The following COL25A1 variants were observed in gnomAD, a reference collection of about 807,000 sequenced individuals.
COL25A1 encodes the protein collagen type XXV alpha 1 chain.
In COL25A1, 103 loss-of-function variants were observed where a neutral mutation model predicts 128.4. The observed-to-expected ratio is 0.80, with a 90% CI of 0.68 to 0.94. COL25A1 has a LOEUF of 0.94. Among genes scored for constraint, COL25A1 ranks in the 40% least tolerant of loss-of-function variants. COL25A1 has a pLI of 0.00. For synonymous variants in COL25A1, 279 were observed against 277.2 expected (o/e 1.01, Z -0.06); for missense variants, 745 against 840.0 (o/e 0.89, Z 1.40).
chr4:109,260,253 T>C (rs1270104864), intron 3 of COL25A1, among the ~76,000 whole-genome samples: 2 of 152,176 alleles, frequency 1.3e-5, no homozygotes, highest in Non-Finnish European at 2.9e-5. Context: ...AGTATTCTCA[T>C]AATAAGCTGA....
At chr4:108,867,397 C>G (rs576055681) in intron 20 of COL25A1, among the ~76,000 whole-genome samples, 1 of 152,236 alleles carries the variant, frequency 6.6e-6, no homozygotes, top group Non-Finnish European at 1.5e-5. Context: ...TTTTCTTGCT[C>G]TCACTCTCTC....
chr4:108,872,695 C>T lies in COL25A1; in HGVS notation c.1021-3545G>A, dbSNP rs866966009. ...GCATTAGATTTGATATATATATACA[C>T]ACACACACACACATATACATATATA... On this transcript the variant is annotated intron_variant, in intron 19 of 37. Transcript: ENST00000399132. Among the ~76,000 whole-genome samples, 1,262 of 151,048 alleles carry T rather than the reference C, an allele frequency of 8.4e-3. 19 individuals carry two copies. Among genetic ancestry groups the T allele is most frequent in the African/African-American group, 0.028 (1,168 of 41,216 alleles).
Position 108,823,501 on chromosome 4 carries a change from T to C in COL25A1, c.1845+673A>G, listed in dbSNP as rs552354995. Among the ~76,000 whole-genome samples the C allele has an allele frequency of 8.5e-5, 13 of 152,258 alleles. No homozygotes were observed. In the South Asian group the frequency reaches 2.7e-3, roughly 32 times the overall value. ...AGGAAAAATTGACTTTTAAAATCCA[T>C]AATCCAAACTTTTCTTTCAAGTCAT... is the stretch of plus-strand genomic sequence containing the variant. On this transcript the variant is annotated intron_variant, in intron 35 of 37. Transcript: ENST00000399132.
chr4:108,899,165 G>A lies in COL25A1; in HGVS notation c.850C>T (p.Gln284Ter). ...IPGPKGEPGE[Q>*]GEKGDAGENG... The stretch of plus-strand genomic sequence containing the variant: ...AGAATCATTCTTACCTTTTCACCTT[G>A]TTCTCCAGGTTCTCCCTGAGCAAAA... The change falls in exon 15 of 38, where the codon CAA becomes TAA. Residue 284 changes from glutamine to a stop codon, truncating the protein, a stop_gained. Transcript: ENST00000399132. LOFTEE classifies it high-confidence loss of function. 1 of 1,609,192 alleles carries A rather than the reference G, an allele frequency of 6.2e-7. No homozygotes were observed. Among genetic ancestry groups the A allele is most frequent in the Non-Finnish European group, 8.5e-7 (1 of 1,177,754 alleles).
intron 11 of COL25A1, among the ~76,000 whole-genome samples, chr4:108,935,655 G>A (rs996762570): frequency 4.6e-5 from 7 of 152,012 alleles, no homozygotes; most frequent in African/African-American, 1.7e-4. Flanking sequence ...TGTTTCACCT[G>A]AGAAAGTTTT....
intron 8 of COL25A1, among the ~76,000 whole-genome samples, chr4:108,949,424 G>A (rs1749136877): frequency 1.3e-5 from 2 of 152,092 alleles, no homozygotes; most frequent in Admixed American, 6.6e-5. Flanking sequence ...TTTGAGACAC[G>A]AAGAGGTGAG....
At chr4:108,883,235 G>A (rs1192081371) in intron 19 of COL25A1, among the ~76,000 whole-genome samples, 2 of 151,972 alleles carry the variant, frequency 1.3e-5, no homozygotes, top group East Asian at 3.9e-4. Context: ...TACCATGTTG[G>A]CCAGGCTGGT....
intron 3 of COL25A1, among the ~76,000 whole-genome samples, chr4:109,274,018 G>A (rs937471851): frequency 1.3e-5 from 2 of 152,166 alleles, no homozygotes. Context: ...CATGTAATGG[G>A]TATAGGTGGC....
In COL25A1 at chr4:109,162,748, T is replaced by C. The variant is rs574470567; in HGVS notation, c.368-112569A>G. ...TGATTTACCTGCTATGCTACAGATGTGGCCTGAGAGGCACTGTCTGACAGA... is the reference window on the plus strand; with the variant it reads ...TGATTTACCTGCTATGCTACAGATGCGGCCTGAGAGGCACTGTCTGACAGA... On this transcript the variant is annotated intron_variant, in intron 3 of 37. Coordinates refer to ENST00000399132, the MANE Select transcript of COL25A1 (RefSeq NM_198721.4). Among the ~76,000 whole-genome samples the C allele has an allele frequency of 1.1e-4, 16 of 152,360 alleles. No individual in the cohort carries two copies. The South Asian group carries it at 3.3e-3, about 32-fold the overall frequency.
intron 3 of COL25A1, among the ~76,000 whole-genome samples, chr4:109,299,659 C>T (rs1561000701): frequency 6.6e-6 from 1 of 152,138 alleles, no homozygotes; most frequent in African/African-American, 2.4e-5. Flanking sequence ...TTTTAAGAGA[C>T]TCACTTTCCA....
At chr4:108,989,096 A>G (rs1368014761) in intron 6 of COL25A1, among the ~76,000 whole-genome samples, 1 of 152,184 alleles carries the variant, frequency 6.6e-6, no homozygotes, top group Non-Finnish European at 1.5e-5. Flanking sequence ...AAGACTTGGT[A>G]GTTTTCTTCT....
intron 3 of COL25A1, among the ~76,000 whole-genome samples, chr4:109,071,167 G>A (rs1762938944): frequency 6.6e-6 from 1 of 152,060 alleles, no homozygotes; most frequent in Admixed American, 6.5e-5. Flanking sequence ...TCTGATCTTT[G>A]ACAAACCTGA....
intron 3 of COL25A1, among the ~76,000 whole-genome samples, chr4:109,194,726 G>A (rs1020760028): frequency 6.6e-6 from 1 of 152,018 alleles, no homozygotes; most frequent in African/African-American, 2.4e-5. Context: ...TTGTATTAAT[G>A]GCCCCCGTTC....
intron 3 of COL25A1, among the ~76,000 whole-genome samples, chr4:109,071,458 A>C (rs920567406): frequency 6.6e-6 from 1 of 152,178 alleles, no homozygotes; most frequent in African/African-American, 2.4e-5. Context: ...GGATCTAACT[A>C]AACTCAAGAG....
intron 3 of COL25A1, among the ~76,000 whole-genome samples, chr4:109,176,871 G>A (rs1774154897): frequency 6.6e-6 from 1 of 152,170 alleles, no homozygotes; most frequent in Non-Finnish European, 1.5e-5. Flanking sequence ...ATCACCTGGA[G>A]CTACAAGAAG....
At chr4:108,991,469 T>C (rs1754224478) in intron 6 of COL25A1, among the ~76,000 whole-genome samples, 1 of 152,194 alleles carries the variant, frequency 6.6e-6, no homozygotes, top group Non-Finnish European at 1.5e-5. Context: ...AACCATCTGC[T>C]TCATAAAACA....
At chr4:109,005,090 A>G (rs1050135496) in intron 6 of COL25A1, among the ~76,000 whole-genome samples, 9 of 152,196 alleles carry the variant, frequency 5.9e-5, no homozygotes, top group African/African-American at 1.9e-4. Flanking sequence ...CTGGCTCACA[A>G]TTCTGCAGGC....
At chr4:108,997,340 A>T (rs148781991) in intron 6 of COL25A1, among the ~76,000 whole-genome samples, 1,771 of 152,316 alleles carry the variant, frequency 0.012, 40 homozygotes, top group African/African-American at 0.04. Flanking sequence ...AGAATACTAT[A>T]AACACCTCTA....
At chr4:109,162,960 T>C (rs1465836160) in intron 3 of COL25A1, among the ~76,000 whole-genome samples, 2 of 152,252 alleles carry the variant, frequency 1.3e-5, no homozygotes, top group Non-Finnish European at 2.9e-5. Context: ...TGTTCTGACA[T>C]GCATTAGTTC....
Sources: allele counts gnomAD v4.1 joint callset (sites outside exome capture counted in the v4.1 genomes callset), GRCh38; gene constraint gnomAD v4.1.1; transcripts MANE v1.5; gene names NCBI Gene and HGNC (gene_info 2026-07-23, HGNC 2026-07-21).